The following RBFOX1 variants were observed in gnomAD, a reference collection of about 807,000 sequenced individuals.
RBFOX1 encodes the protein RNA binding fox-1 homolog 1, also known as RNA binding protein fox-1 homolog 1.
Under a neutral mutation model 57.7 loss-of-function variants are expected in RBFOX1, and 8 were observed. The ratio of observed to expected loss-of-function variants is 0.14; its 90% CI spans 0.08 to 0.25. The LOEUF (loss-of-function observed/expected upper bound fraction) is 0.25. Among genes scored for constraint, RBFOX1 ranks in the 10% least tolerant of loss-of-function variants. The pLI, the probability that RBFOX1 is intolerant of heterozygous loss-of-function variation, is 1.00. For synonymous variants in RBFOX1, 326 were observed against 222.4 expected (o/e 1.47, Z -4.15); for missense variants, 611 against 548.5 (o/e 1.11, Z -1.14).
At chr16:7,141,508 T>A (rs1011981782) in intron 4 of RBFOX1, among the ~76,000 whole-genome samples, 1 of 152,040 alleles carries the variant, frequency 6.6e-6, no homozygotes, top group South Asian at 2.1e-4. Flanking sequence ...GGAAATGGAG[T>A]TTTGCTAGAG....
intron 3 of RBFOX1, among the ~76,000 whole-genome samples, chr16:6,717,390 A>G (rs1382130035): frequency 6.6e-6 from 1 of 152,154 alleles, no homozygotes; most frequent in East Asian, 1.9e-4. Context: ...GCATCTTCCT[A>G]CAGAGTCTTT....
intron 4 of RBFOX1, among the ~76,000 whole-genome samples, chr16:7,376,141 GC>G (rs1432028085): frequency 6.6e-6 from 1 of 152,142 alleles, no homozygotes; most frequent in Non-Finnish European, 1.5e-5. Context: ...TATTTAGTAA[GC>G]AAGGGATGAT....
chr16:7,349,794 A>G (rs2097093829), intron 4 of RBFOX1, among the ~76,000 whole-genome samples: 1 of 152,182 alleles, frequency 6.6e-6, no homozygotes, highest in Non-Finnish European at 1.5e-5. Context: ...AACAGGAAAA[A>G]ATAAAGCAGA....
intron 2 of RBFOX1, among the ~76,000 whole-genome samples, chr16:6,462,208 C>T (rs1409575377): frequency 1.3e-5 from 2 of 152,144 alleles, no homozygotes; most frequent in Non-Finnish European, 2.9e-5. Context: ...TGGCCTCCTC[C>T]CCATCTACCT....
intron 3 of RBFOX1, among the ~76,000 whole-genome samples, chr16:6,760,969 C>T (rs2076519644): frequency 1.3e-5 from 2 of 152,148 alleles, no homozygotes; most frequent in Non-Finnish European, 1.5e-5. Context: ...ATCTTCTTAG[C>T]TCTCTCCCTA....
At chr16:5,691,203 T>G in intron 3 of RBFOX1, among the ~76,000 whole-genome samples, 1 of 152,224 alleles carries the variant, frequency 6.6e-6, no homozygotes, top group East Asian at 1.9e-4. Context: ...TTTTGCATAA[T>G]TTCCATCATT....
intron 3 of RBFOX1, among the ~76,000 whole-genome samples, chr16:6,970,668 G>A (rs752433742): frequency 1.3e-5 from 2 of 152,124 alleles, no homozygotes; most frequent in Non-Finnish European, 2.9e-5. Flanking sequence ...ACCTCATGAC[G>A]TAATCACCTT....
intron 2 of RBFOX1, among the ~76,000 whole-genome samples, chr16:6,355,785 C>G (rs1037268008): frequency 6.6e-6 from 1 of 152,206 alleles, no homozygotes; most frequent in African/African-American, 2.4e-5. Flanking sequence ...TCCACATCCT[C>G]TCCAGCTTCT....
intron 3 of RBFOX1, among the ~76,000 whole-genome samples, chr16:6,862,513 G>A (rs920229585): frequency 6.6e-6 from 1 of 152,226 alleles, no homozygotes; most frequent in African/African-American, 2.4e-5. Context: ...CCTTGCCCAG[G>A]CAACCAGCAG....
intron 4 of RBFOX1, among the ~76,000 whole-genome samples, chr16:6,012,109 G>T (rs905397182): frequency 8.5e-5 from 13 of 152,160 alleles, no homozygotes; most frequent in African/African-American, 3.1e-4. Flanking sequence ...CGACAATGCT[G>T]GTTGAGAAGA....
chr16:6,866,083 G>C (rs1484372361), intron 3 of RBFOX1, among the ~76,000 whole-genome samples: 1 of 150,780 alleles, frequency 6.6e-6, no homozygotes, highest in East Asian at 1.9e-4. Flanking sequence ...GCCAAAAGAT[G>C]ATATTTTTAT....
intron 3 of RBFOX1, among the ~76,000 whole-genome samples, chr16:5,854,306 C>T (rs765570891): frequency 2.0e-5 from 3 of 152,198 alleles, no homozygotes; most frequent in African/African-American, 4.8e-5. Context: ...GTAACTGAAA[C>T]TTTGTGTGTT....
rs150667647 is a variant in RBFOX1, at chr16:6,613,254, C to T, written c.-63-41349C>T. 4.5e-3 allele frequency among the ~76,000 whole-genome samples: 678 copies of T among 152,124 alleles called. 6 individuals carry two copies. Among genetic ancestry groups the T allele is most frequent in the African/African-American group, 0.016 (647 of 41,500 alleles). On this transcript the variant is annotated intron_variant, in intron 2 of 15. Coordinates refer to ENST00000550418, the MANE Select transcript of RBFOX1 (RefSeq NM_018723.4). The stretch of plus-strand genomic sequence containing the variant: ...CCTTCCCTGTCATATGCTTGGCTGT[C>T]ATCTTTGCTAAAGGATTTTCAGGTT...
intron 3 of RBFOX1, among the ~76,000 whole-genome samples, chr16:5,729,230 G>A (rs1275601769): frequency 2.0e-5 from 3 of 152,072 alleles, no homozygotes; most frequent in Admixed American, 2.0e-4. Context: ...GTCAGATAGG[G>A]GTATGAACAT....
At chr16:6,389,392 C>G (rs1278713228) in intron 2 of RBFOX1, among the ~76,000 whole-genome samples, 1 of 152,200 alleles carries the variant, frequency 6.6e-6, no homozygotes, top group Non-Finnish European at 1.5e-5. Flanking sequence ...ACTCTTCGAT[C>G]ATGAAACTAC....
chr16:6,025,903 T>C (rs189006538), intron 1 of RBFOX1, among the ~76,000 whole-genome samples: 1 of 152,316 alleles, frequency 6.6e-6, no homozygotes, highest in Admixed American at 6.5e-5. Context: ...ATATGTGACA[T>C]GAACATCAGA....
At chr16:6,488,052 T>A (rs2095545196) in intron 2 of RBFOX1, among the ~76,000 whole-genome samples, 1 of 152,134 alleles carries the variant, frequency 6.6e-6, no homozygotes. Context: ...CTCCACGCTT[T>A]CAATCCAATA....
intron 3 of RBFOX1, among the ~76,000 whole-genome samples, chr16:6,669,836 A>T (rs376562011): frequency 1.1e-4 from 17 of 152,212 alleles, no homozygotes; most frequent in African/African-American, 3.9e-4. Flanking sequence ...AATGCTCACC[A>T]TGAGCCAGGC....
At chr16:5,309,319 A>G (rs1385272973) in intron 1 of RBFOX1, among the ~76,000 whole-genome samples, 1 of 152,094 alleles carries the variant, frequency 6.6e-6, no homozygotes, top group African/African-American at 2.4e-5. Flanking sequence ...TTTTTCACTT[A>G]GAGATATCTA....
Sources: gnomAD v4.1 joint callset for allele counts (sites outside exome capture counted in the v4.1 genomes callset) on GRCh38, gnomAD v4.1.1 for gene constraint, MANE v1.5 for transcripts, NCBI Gene and HGNC (gene_info 2026-07-23, HGNC 2026-07-21) for gene names.